RIMS1: variants seen among roughly 807,000 people sequenced by gnomAD.
RIMS1 encodes regulating synaptic membrane exocytosis protein 1.
A neutral mutation model predicts 214.1 loss-of-function variants in RIMS1; 83 were observed. That is an observed-to-expected ratio of 0.39 (90% CI 0.32 to 0.47). RIMS1 has a LOEUF of 0.47. RIMS1 is among the 20% of genes least tolerant of loss of function. The probability of loss-of-function intolerance (pLI) is 0.99; values close to 1 mark genes in which losing one functional copy is unlikely to be tolerated. For missense variants in RIMS1, 2,050 were observed against 2,161.8 expected, an observed-to-expected ratio of 0.95 and a Z score of 1.03; for synonymous variants, 793 against 786.8, an observed-to-expected ratio of 1.01 and a Z score of -0.13.
At chr6:72,004,214 G>A (rs1457031857) in intron 2 of RIMS1, among the ~76,000 whole-genome samples, 3 of 151,568 alleles carry the variant, frequency 2.0e-5, no homozygotes, top group African/African-American at 4.8e-5. Context: ...ATTTTTTATG[G>A]CTGCATAGTA....
chr6:71,899,302 G>GT (rs71765374), intron 1 of RIMS1, among the ~76,000 whole-genome samples: 1 of 151,182 alleles, frequency 6.6e-6, no homozygotes, highest in Non-Finnish European at 1.5e-5. Context: ...TAATGTTTTG[G>GT]TTTTTTTTAC....
At position 71,968,892 on chromosome 6, in the gene RIMS1, A is replaced by G. The variant is rs148950279; in HGVS notation, c.165-91A>G. The G allele has an allele frequency of 1.7e-5, 21 of 1,271,268 alleles. No homozygotes were observed. The East Asian group carries it at 4.7e-4, about 28-fold the overall frequency. 78.7% of individuals were successfully genotyped at this position (1,271,268 alleles called of 1,614,324 possible). A position where few individuals can be genotyped will look rare whatever the true frequency, so the allele number is the denominator to read the frequency against. ...AAGGGGCTTTCAAAGACTTTCCCTT[A>G]GAGTGTTTTTCAGTACCGTGTTTAA... On this transcript the variant is annotated intron_variant, in intron 1 of 33. Coordinates refer to ENST00000521978, the MANE Select transcript of RIMS1 (RefSeq NM_014989.7).
intron 2 of RIMS1, among the ~76,000 whole-genome samples, chr6:72,059,874 A>G (rs781682909): frequency 5.9e-5 from 9 of 152,186 alleles, no homozygotes; most frequent in Non-Finnish European, 1.3e-4. Context: ...TATTTGGCAG[A>G]ATTGGATATG....
chr6:72,078,585 G>A (rs188416941), intron 2 of RIMS1, among the ~76,000 whole-genome samples: 14 of 152,190 alleles, frequency 9.2e-5, no homozygotes, highest in Non-Finnish European at 1.9e-4. Flanking sequence ...AGTTGAGACA[G>A]GTTGCTATAC....
At chr6:72,317,172 G>A in intron 28 of RIMS1, 1 of 343,092 alleles carries the variant, frequency 2.9e-6, no homozygotes, top group Non-Finnish European at 5.7e-6. Context: ...CCTCCCCAGA[G>A]TCCCCTAGCA....
intron 1 of RIMS1, among the ~76,000 whole-genome samples, chr6:71,966,920 C>T (rs1231378207): frequency 1.3e-5 from 2 of 152,128 alleles, no homozygotes; most frequent in Non-Finnish European, 2.9e-5. Flanking sequence ...TACTTCAGCA[C>T]ATATTTTTAA....
intron 4 of RIMS1, among the ~76,000 whole-genome samples, chr6:72,119,273 G>A (rs1388389297): frequency 6.6e-6 from 1 of 151,160 alleles, no homozygotes; most frequent in Non-Finnish European, 1.5e-5. Flanking sequence ...TAAAAGACCT[G>A]TACAAGGAAA....
intron 29 of RIMS1, among the ~76,000 whole-genome samples, chr6:72,374,512 G>T (rs551823010): frequency 4.9e-4 from 74 of 152,256 alleles, no homozygotes; most frequent in African/African-American, 1.7e-3. Context: ...GTGTGGCCAG[G>T]CCTCAAATTA....
intron 2 of RIMS1, among the ~76,000 whole-genome samples, chr6:71,970,691 T>G (rs1239990240): frequency 6.6e-6 from 1 of 152,220 alleles, no homozygotes; most frequent in African/African-American, 2.4e-5. Context: ...AACTATAGAT[T>G]CTTTGGATCC....
At chr6:72,388,444 C>T (rs961949785) in intron 29 of RIMS1, among the ~76,000 whole-genome samples, 1 of 152,126 alleles carries the variant, frequency 6.6e-6, no homozygotes, top group Non-Finnish European at 1.5e-5. Flanking sequence ...GCCACGATAA[C>T]AATTTTGGAT....
chr6:72,299,948 G>T (rs1318905412), intron 26 of RIMS1, among the ~76,000 whole-genome samples: 1 of 151,690 alleles, frequency 6.6e-6, no homozygotes, highest in Non-Finnish European at 1.5e-5. Flanking sequence ...CTGTTATTGT[G>T]TGTTAAGATT....
intron 2 of RIMS1, among the ~76,000 whole-genome samples, chr6:72,068,096 T>C (rs1269051697): frequency 1.3e-5 from 2 of 152,204 alleles, no homozygotes; most frequent in African/African-American, 4.8e-5. Flanking sequence ...GGTGGGCCAG[T>C]GACTCTTCTT....
intron 2 of RIMS1, among the ~76,000 whole-genome samples, chr6:72,095,072 C>A (rs951500081): frequency 7.3e-5 from 11 of 151,070 alleles, no homozygotes; most frequent in Admixed American, 6.6e-5. Context: ...CTGCCTCAGC[C>A]TCCCAAGTAG....
chr6:72,381,658 G>C (rs1490271091), intron 29 of RIMS1, among the ~76,000 whole-genome samples: 1 of 152,188 alleles, frequency 6.6e-6, no homozygotes, highest in African/African-American at 2.4e-5. Context: ...ACTTTCAATA[G>C]CTCAGCGAAT....
At chr6:72,232,006 G>A (rs2062155531) in intron 6 of RIMS1, among the ~76,000 whole-genome samples, 1 of 151,584 alleles carries the variant, frequency 6.6e-6, no homozygotes, top group Non-Finnish European at 1.5e-5. Flanking sequence ...GTTATTGAGG[G>A]ATACAATAAA....
chr6:72,119,043 C>T (rs990641482), intron 4 of RIMS1, among the ~76,000 whole-genome samples: 11 of 151,632 alleles, frequency 7.3e-5, no homozygotes, highest in Non-Finnish European at 1.2e-4. Context: ...AGTTGCTGTT[C>T]GCCAATGATA....
intron 6 of RIMS1, among the ~76,000 whole-genome samples, chr6:72,191,380 C>A (rs1307374308): frequency 6.6e-6 from 1 of 152,210 alleles, no homozygotes; most frequent in African/African-American, 2.4e-5. Context: ...TAGAAGGTCC[C>A]TGAATTTTAG....
intron 1 of RIMS1, among the ~76,000 whole-genome samples, chr6:71,930,162 C>G (rs748701744): frequency 5.3e-5 from 8 of 151,972 alleles, no homozygotes; most frequent in Non-Finnish European, 8.8e-5. Context: ...GTTGTATTCT[C>G]GTTTCTACCA....
At chr6:71,934,138 T>C (rs1410374368) in intron 1 of RIMS1, among the ~76,000 whole-genome samples, 2 of 152,150 alleles carry the variant, frequency 1.3e-5, no homozygotes, top group Non-Finnish European at 2.9e-5. Context: ...TGTGCTTAGT[T>C]CAGTTAAAAT....
Sources: gnomAD v4.1 joint callset for allele counts (sites outside exome capture counted in the v4.1 genomes callset) on GRCh38, gnomAD v4.1.1 for gene constraint, MANE v1.5 for transcripts, NCBI Gene and HGNC (gene_info 2026-07-23, HGNC 2026-07-21) for gene names.